The following NRXN3 variants were observed in gnomAD, a reference collection of about 807,000 sequenced individuals.
The protein encoded by NRXN3 is neurexin III.
A neutral mutation model predicts 137.6 loss-of-function variants in NRXN3; 32 were observed. The observed-to-expected ratio is 0.23, with a 90% confidence interval of 0.18 to 0.31. NRXN3 has a LOEUF of 0.31. Ranked by LOEUF, NRXN3 falls within the 10% of genes least tolerant of loss-of-function variation. NRXN3 has a pLI of 1.00. For synonymous variants in NRXN3, 798 were observed against 784.5 expected (o/e 1.02, Z -0.29); for missense variants, 1,574 against 2,062.5 (o/e 0.76, Z 4.59).
At chr14:78,567,215 A>T (rs2152296549) in intron 4 of NRXN3, among the ~76,000 whole-genome samples, 1 of 152,318 alleles carries the variant, frequency 6.6e-6, no homozygotes, top group African/African-American at 2.4e-5. Flanking sequence ...ATTCTGAGCA[A>T]CCAGGAAGCA....
chr14:79,690,107 G>A (rs914125239), intron 17 of NRXN3, among the ~76,000 whole-genome samples: 6 of 152,144 alleles, frequency 3.9e-5, no homozygotes, highest in African/African-American at 1.4e-4. Flanking sequence ...CCTTTTCTCA[G>A]TATAGTATTC....
Position 79,753,612 on chromosome 14 carries a change from C to G in NRXN3, c.4015-51500C>G, listed in dbSNP as rs1359660045. Among the ~76,000 whole-genome samples, 3 of 151,010 alleles carry G rather than the reference C, an allele frequency of 2.0e-5. No individual in the cohort carries two copies. The East Asian group carries it at 5.9e-4, about 30-fold the overall frequency. On this transcript the variant is annotated intron_variant, in intron 19 of 20. Transcript: ENST00000335750. ...GGAGGGATAGCATTAGGAAATATAA[C>G]TAATGCTAAATGACGAGTTAATGGG...
chr14:79,017,538 G>A (rs1157329190), intron 15 of NRXN3, among the ~76,000 whole-genome samples: 3 of 152,012 alleles, frequency 2.0e-5, no homozygotes, highest in African/African-American at 7.2e-5. Flanking sequence ...GAGAGGAGAT[G>A]GGGAAAGTCA....
At chr14:78,543,199 A>G (rs773521034) in intron 4 of NRXN3, among the ~76,000 whole-genome samples, 1 of 152,174 alleles carries the variant, frequency 6.6e-6, no homozygotes, top group Non-Finnish European at 1.5e-5. Flanking sequence ...ATATGGCTAG[A>G]TGTCCATTTC....
At chr14:78,301,576 A>G (rs531398663) in intron 4 of NRXN3, among the ~76,000 whole-genome samples, 10 of 152,338 alleles carry the variant, frequency 6.6e-5, no homozygotes, top group Admixed American at 5.2e-4. Flanking sequence ...ATATGTATCT[A>G]CATCTAGTCT....
intron 16 of NRXN3, among the ~76,000 whole-genome samples, chr14:79,537,429 T>C (rs909409205): frequency 2.0e-5 from 3 of 152,148 alleles, no homozygotes; most frequent in Non-Finnish European, 2.9e-5. Context: ...CTCCTAATGC[T>C]ATCCCTCCCC....
At chr14:78,529,329 A>G (rs148073789) in intron 4 of NRXN3, among the ~76,000 whole-genome samples, 467 of 152,276 alleles carry the variant, frequency 3.1e-3, no homozygotes, top group African/African-American at 0.01. Flanking sequence ...AATGGCATAA[A>G]ATAAGAGTGG....
chr14:79,588,747 G>A (rs1015705885), intron 16 of NRXN3, among the ~76,000 whole-genome samples: 5 of 152,152 alleles, frequency 3.3e-5, no homozygotes, highest in South Asian at 2.1e-4. Context: ...CCATGAACTC[G>A]TCCAAAGCAA....
At chr14:78,428,790 C>G (rs1198050812) in intron 4 of NRXN3, among the ~76,000 whole-genome samples, 2 of 152,118 alleles carry the variant, frequency 1.3e-5, no homozygotes, top group African/African-American at 2.4e-5. Context: ...GGAGGTCAGC[C>G]TTTGTGTTCT....
chr14:79,267,732 A>G (rs2078659507), intron 15 of NRXN3, among the ~76,000 whole-genome samples: 1 of 152,064 alleles, frequency 6.6e-6, no homozygotes, highest in Non-Finnish European at 1.5e-5. Flanking sequence ...ATTCCCCCTG[A>G]CTTGGCCTCC....
chr14:79,801,752 T>C (rs917649473), intron 19 of NRXN3, among the ~76,000 whole-genome samples: 1 of 152,140 alleles, frequency 6.6e-6, no homozygotes, highest in African/African-American at 2.4e-5. Context: ...TGTATTCACA[T>C]GTACTCATAT....
chr14:79,658,571 A>T (rs1401177755), intron 16 of NRXN3, among the ~76,000 whole-genome samples: 7 of 152,090 alleles, frequency 4.6e-5, no homozygotes, highest in African/African-American at 1.7e-4. Context: ...TCTTGGCCCA[A>T]CCCATCACAA....
intron 4 of NRXN3, among the ~76,000 whole-genome samples, chr14:78,416,476 C>T (rs2093142473): frequency 6.6e-6 from 1 of 152,162 alleles, no homozygotes; most frequent in Admixed American, 6.5e-5. Context: ...CTGATTTTAA[C>T]TGTCAAATTG....
chr14:78,307,871 TA>T (rs778021395), intron 4 of NRXN3, among the ~76,000 whole-genome samples: 63 of 152,174 alleles, frequency 4.1e-4, no homozygotes, highest in Non-Finnish European at 7.2e-4. Context: ...GCCATCCTTT[TA>T]ATAAGCTACT....
intron 10 of NRXN3, among the ~76,000 whole-genome samples, chr14:78,871,015 A>G (rs1457589807): frequency 6.7e-6 from 1 of 150,154 alleles, no homozygotes; most frequent in Admixed American, 6.7e-5. Flanking sequence ...ATAGTGCTGT[A>G]ATAAACATGG....
chr14:78,722,761 G>A (rs1196307377), intron 8 of NRXN3, among the ~76,000 whole-genome samples: 1 of 152,156 alleles, frequency 6.6e-6, no homozygotes, highest in African/African-American at 2.4e-5. Context: ...ACTGTGTTGA[G>A]CACTTGGGAC....
At chr14:78,430,009 A>C (rs982201036) in intron 4 of NRXN3, among the ~76,000 whole-genome samples, 4 of 152,172 alleles carry the variant, frequency 2.6e-5, no homozygotes, top group Admixed American at 6.5e-5. Flanking sequence ...CAAGGCAGGA[A>C]GATTGCTTGA....
intron 15 of NRXN3, among the ~76,000 whole-genome samples, chr14:79,011,014 A>G (rs1354414560): frequency 6.6e-6 from 1 of 152,202 alleles, no homozygotes; most frequent in African/African-American, 2.4e-5. Context: ...AACTCTAGTC[A>G]TGGCGATGCT....
chr14:79,832,498 T>A (rs2099326950), intron 20 of NRXN3, among the ~76,000 whole-genome samples: 1 of 152,202 alleles, frequency 6.6e-6, no homozygotes, highest in Non-Finnish European at 1.5e-5. Flanking sequence ...AGGGGACTTT[T>A]GTCCCCAGGG....
Sources: gnomAD v4.1 joint callset for allele counts (sites outside exome capture counted in the v4.1 genomes callset) on GRCh38, gnomAD v4.1.1 for gene constraint, MANE v1.5 for transcripts, NCBI Gene and HGNC (gene_info 2026-07-23, HGNC 2026-07-21) for gene names.